The following CAV1 variants were observed in gnomAD, a reference collection of about 807,000 sequenced individuals.
The protein encoded by CAV1 is caveolin-1.
CAV1 carries 10 observed loss-of-function variants against 16.5 expected under a neutral mutation model. That is an observed-to-expected ratio of 0.61 (90% confidence interval 0.37 to 1.03). The LOEUF is 1.03. Ranked by LOEUF, CAV1 falls within the 50% of genes least tolerant of loss-of-function variation. The pLI, the probability that CAV1 is intolerant of heterozygous loss-of-function variation, is 0.01. For missense variants in CAV1, 212 were observed against 232.8 expected, an observed-to-expected ratio of 0.91 and a Z score of 0.58; for synonymous variants, 76 against 85.1, an observed-to-expected ratio of 0.89 and a Z score of 0.59.
chr7:116,552,350 A>G (rs1335960917), intron 2 of CAV1, among the ~76,000 whole-genome samples: 1 of 152,172 alleles, frequency 6.6e-6, no homozygotes, highest in African/African-American at 2.4e-5. Context: ...GGTAATAGAG[A>G]CCAGTAGTGT....
intron 2 of CAV1, among the ~76,000 whole-genome samples, chr7:116,541,946 AC>A (rs1338960851): frequency 6.6e-6 from 1 of 152,170 alleles, no homozygotes; most frequent in Non-Finnish European, 1.5e-5. Context: ...AACAGCCTTC[AC>A]ACACAGCCTC....
intron 2 of CAV1, among the ~76,000 whole-genome samples, chr7:116,546,119 C>T (rs1428449638): frequency 6.6e-6 from 1 of 152,156 alleles, no homozygotes; most frequent in Non-Finnish European, 1.5e-5. Context: ...TATCGCTGGC[C>T]CTTCTGTGGC....
At chr7:116,547,157 C>A (rs1794068345) in intron 2 of CAV1, among the ~76,000 whole-genome samples, 1 of 152,192 alleles carries the variant, frequency 6.6e-6, no homozygotes, top group African/African-American at 2.4e-5. Context: ...TCACTAACTA[C>A]ATCTGCAATG....
Position 116,526,526 on chromosome 7 carries a change from G to A in CAV1, c.32G>A (p.Gly11Glu), listed in dbSNP as rs1005695856. ...CCGTCCGCCCTCCGCCCTCTGCAGG[G>A]ACATCTCTACACCGTTCCCATCCGG... Reference protein sequence around the residue: MSGGKYVDSEGHLYTVPIREQ... With the variant: MSGGKYVDSEEHLYTVPIREQ... Residue 11 changes from glycine to glutamate, a missense_variant and splice_region_variant, in exon 2 of 3, where the codon GGA becomes GAA. Transcript: ENST00000341049. The A allele has an allele frequency of 3.1e-6, 5 of 1,613,776 alleles. No homozygotes were observed. In the East Asian group the frequency reaches 8.9e-5, roughly 29 times the overall value.
intron 2 of CAV1, among the ~76,000 whole-genome samples, chr7:116,538,232 A>G (rs983697974): frequency 6.6e-6 from 1 of 152,238 alleles, no homozygotes; most frequent in Non-Finnish European, 1.5e-5. Context: ...AGAAATGCCT[A>G]TGGAATATGG....
intron 2 of CAV1, among the ~76,000 whole-genome samples, chr7:116,555,482 A>G (rs142185136): frequency 0.28 from 5,489 of 19,434 alleles, 1,963 homozygotes; most frequent in East Asian, 0.48. Context: ...GAAGGAGGAA[A>G]GAAAAGAAAG....
At chr7:116,538,389 G>T (rs889359960) in intron 2 of CAV1, among the ~76,000 whole-genome samples, 2 of 152,126 alleles carry the variant, frequency 1.3e-5, no homozygotes, top group Non-Finnish European at 2.9e-5. Flanking sequence ...CAGCAATCAT[G>T]GTTCACTGTA....
rs201261029 is a variant in CAV1 at position 116,526,623 on chromosome 7, C to G, written c.129C>G (p.Asp43Glu). Residue 43 changes from aspartate to glutamate, a missense_variant, in exon 2 of 3, where the codon GAC (aspartate) becomes GAG (glutamate). By Grantham distance (45) the Asp-to-Glu change is conservative. Transcript: ENST00000341049. ...ADELSEKQVY[D>E]AHTKEIDLVN... is the part of the protein sequence containing the mutation. Reference sequence around the variant, plus strand: ...AGCTGAGCGAGAAGCAAGTGTACGACGCGCACACCAAGGAGATCGACCTGG... The same window carrying G: ...AGCTGAGCGAGAAGCAAGTGTACGAGGCGCACACCAAGGAGATCGACCTGG... 9.3e-6 allele frequency: 15 copies of G among 1,614,068 alleles called. No homozygotes were observed. Among genetic ancestry groups the G allele is most frequent in the Non-Finnish European group, 9.3e-6 (11 of 1,179,976 alleles).
chr7:116,529,076 G>A (rs1313849141), intron 2 of CAV1, among the ~76,000 whole-genome samples: 5 of 152,090 alleles, frequency 3.3e-5, no homozygotes, highest in African/African-American at 7.2e-5. Flanking sequence ...GTGATCCACT[G>A]GTCTTGGCCT....
rs879648670 is a variant in CAV1, at chr7:116,555,597, AAAGAAAGAGAAAGAAAGAAAGAAGGG to A, written c.196-3347_196-3322del. On this transcript the variant is annotated intron_variant, in intron 2 of 2. Transcript: ENST00000341049. ...GAAAGAAAGAAAGAAAGAAAGAAAG[AAAGAAAGAGAAAGAAAGAAAGAAGGG>A]AGGGAGGGAGGGAGAGGAGAGAAAG... is the stretch of plus-strand genomic sequence containing the variant. 3.1e-3 allele frequency among the ~76,000 whole-genome samples: 364 copies of A among 118,988 alleles called. 19 individuals are homozygous for A. The highest frequency in any genetic ancestry group is 0.012 in the Middle Eastern group (3 of 252). 78.1% of individuals were successfully genotyped at this position (118,988 alleles called of 152,430 possible). A position where few individuals can be genotyped will look rare whatever the true frequency, so the allele number is the denominator to read the frequency against.
intron 2 of CAV1, among the ~76,000 whole-genome samples, chr7:116,547,324 G>A (rs1562834877): frequency 6.6e-6 from 1 of 152,126 alleles, no homozygotes; most frequent in Non-Finnish European, 1.5e-5. Context: ...TTTTCAAAGT[G>A]TAATAAAAAC....
intron 2 of CAV1, among the ~76,000 whole-genome samples, chr7:116,535,231 A>T (rs112329114): frequency 5.9e-5 from 9 of 152,346 alleles, no homozygotes; most frequent in African/African-American, 2.2e-4. Flanking sequence ...TATACCTGGA[A>T]TATACTGGAA....
intron 2 of CAV1, among the ~76,000 whole-genome samples, chr7:116,555,048 C>T (rs1480899015): frequency 6.6e-6 from 1 of 152,152 alleles, no homozygotes; most frequent in East Asian, 1.9e-4. Context: ...AAGATTATTA[C>T]AAATAGAAAT....
chr7:116,525,962 G>A (rs1793548698), intron 1 of CAV1: 9 of 408,194 alleles, frequency 2.2e-5, no homozygotes, highest in South Asian at 9.8e-5. Flanking sequence ...GCAGGTGCGA[G>A]GGGGATGCGG....
chr7:116,525,475 A>T lies in CAV1; in HGVS notation c.30+383A>T, dbSNP rs550455588. 586 of 1,321,718 alleles carry T rather than the reference A, an allele frequency of 4.4e-4. 1 individual carries two copies. The African/African-American group carries it at 7.0e-3, about 16-fold the overall frequency. 81.9% of individuals were successfully genotyped at this position (1,321,718 alleles called of 1,614,324 possible). On this transcript the variant is annotated intron_variant, in intron 1 of 2. Coordinates refer to ENST00000341049, the MANE Select transcript of CAV1 (RefSeq NM_001753.5). The stretch of plus-strand genomic sequence containing the variant: ...TTCGAAGAGGTGGAGTGCAGGGTGG[A>T]GGTGTTATTTACCCGAGTCCTGGGG...
intron 2 of CAV1, among the ~76,000 whole-genome samples, chr7:116,555,596 GAA>G (rs1562838673): frequency 3.7e-5 from 3 of 81,970 alleles, no homozygotes; most frequent in Non-Finnish European, 6.9e-5. Flanking sequence ...AAGAAAGAAA[GAA>G]AGAAAGAGAA....
chr7:116,557,811 C>T (rs981489503), intron 2 of CAV1, among the ~76,000 whole-genome samples: 3 of 152,048 alleles, frequency 2.0e-5, no homozygotes, highest in Admixed American at 6.6e-5. Context: ...CCTCCTTCTC[C>T]CAGTGTGCAT....
chr7:116,526,182 C>T (rs529539888), intron 1 of CAV1: 5 of 690,394 alleles, frequency 7.2e-6, no homozygotes, highest in Non-Finnish European at 1.8e-6. Flanking sequence ...CCTGCGGGTC[C>T]TGCGGGTCCT....
At chr7:116,540,609 G>A (rs111626361) in intron 2 of CAV1, among the ~76,000 whole-genome samples, 2 of 152,110 alleles carry the variant, frequency 1.3e-5, no homozygotes, top group Non-Finnish European at 2.9e-5. Flanking sequence ...AGAAACTTGC[G>A]TGAACAAGTT....
Sources: allele counts gnomAD v4.1 joint callset (sites outside exome capture counted in the v4.1 genomes callset), GRCh38; gene constraint gnomAD v4.1.1; transcripts MANE v1.5; gene names NCBI Gene and HGNC (gene_info 2026-07-23, HGNC 2026-07-21).